Variants in CFAP74 observed in about 807,000 individuals in gnomAD.
CFAP74 encodes the protein cilia and flagella associated protein 74.
Under a neutral mutation model 188.9 loss-of-function variants are expected in CFAP74, and 124 were observed. The observed-to-expected ratio is 0.66, with a 90% CI of 0.57 to 0.76. The LOEUF (loss-of-function observed/expected upper bound fraction) is 0.76. CFAP74 is among the 30% of genes least tolerant of loss of function. CFAP74 has a pLI of 0.00. For synonymous variants in CFAP74, 956 were observed against 916.7 expected, an observed-to-expected ratio of 1.04 and a Z score of -0.77; for missense variants, 2,198 against 2,165.2, an observed-to-expected ratio of 1.02 and a Z score of -0.30.
chr1:1,946,632 C>T (rs2803340), intron 19 of CFAP74, among the ~76,000 whole-genome samples, 193 bp from the exon 20 acceptor site: 61,834 of 152,026 alleles, frequency 0.41, 14,271 homozygotes, highest in Admixed American at 0.53. Flanking sequence ...TCCCAGCCAG[C>T]GGAGTTGGAG....
chr1:1,994,675 G>C (rs1657817556), intron 1 of CFAP74, among the ~76,000 whole-genome samples: 1 of 152,170 alleles, frequency 6.6e-6, no homozygotes. Flanking sequence ...CATTTTGCTG[G>C]ACACCCCGTG....
chr1:1,923,310 A>C lies in CFAP74; in HGVS notation c.4522+57T>G. 1 of 1,519,470 alleles carries C rather than the reference A, an allele frequency of 6.6e-7. No homozygotes were observed. The highest frequency in any genetic ancestry group is 8.9e-7 in the Non-Finnish European group (1 of 1,127,232). 94.1% of individuals were successfully genotyped at this position (1,519,470 alleles called of 1,614,324 possible). A position where few individuals can be genotyped will look rare whatever the true frequency, so the allele number is the denominator to read the frequency against. On this transcript the variant is annotated intron_variant, in intron 36 of 38. Coordinates refer to ENST00000682832, the MANE Select transcript of CFAP74 (RefSeq NM_001304360.2). This position sits in a 1 kb window ranked among gnomAD's most constrained non-coding sequence, Gnocchi z 6.3. The stretch of plus-strand genomic sequence containing the variant: ...CCGCTGGGTCTCGGGGCCCCCATCC[A>C]CGGGACAGGGGCACCGGGAGGCCCC...
At chr1:2,002,501 G>A (rs537712633) in intron 1 of CFAP74, among the ~76,000 whole-genome samples, 91 of 151,122 alleles carry the variant, frequency 6.0e-4, no homozygotes, top group South Asian at 1.7e-3. Context: ...GCCAACACGC[G>A]GAAACCCCGT....
rs1361737616 is a variant in CFAP74, at chr1:1,923,722, C to G, written c.4389+53G>C. The G allele has an allele frequency of 3.1e-6, 5 of 1,611,234 alleles. No homozygotes were observed. Among genetic ancestry groups the G allele is most frequent in the East Asian group, 2.2e-5 (1 of 44,856 alleles). On this transcript the variant is annotated intron_variant, in intron 35 of 38. Transcript: ENST00000682832. The surrounding 1 kb of genome is among the most constrained non-coding windows in gnomAD (Gnocchi z 6.3). ...GGAGCAGTGCAGCCAAAGGCAAGGC[C>G]CTGCGTGGGGCCAGGGCCGGGCCGG...
At chr1:1,980,039 C>T (rs973109541) in intron 6 of CFAP74, among the ~76,000 whole-genome samples, 1 of 151,334 alleles carries the variant, frequency 6.6e-6, no homozygotes, top group African/African-American at 2.4e-5. Flanking sequence ...CTTCGGACGG[C>T]GTCTGGCACG....
rs760922014 is a variant in CFAP74 at position 1,924,530 on chromosome 1, G to A, written c.4105-10C>T. ...GAGAGTTGTTCTGCAGCTGCAGAGAGCAGGCCGCGGTCACTGCCCGCCAGC... is the reference window on the plus strand; with the variant it reads ...GAGAGTTGTTCTGCAGCTGCAGAGAACAGGCCGCGGTCACTGCCCGCCAGC... On this transcript the variant is annotated splice_polypyrimidine_tract_variant and intron_variant, in intron 33 of 38. Coordinates refer to ENST00000682832, the MANE Select transcript of CFAP74 (RefSeq NM_001304360.2). The A allele has an allele frequency of 2.5e-6, 4 of 1,598,006 alleles. No homozygotes were observed. Among genetic ancestry groups the A allele is most frequent in the East Asian group, 4.6e-5 (2 of 43,786 alleles).
At chr1:1,935,867 T>TACACACACACACACACACAC (rs35582265) in intron 25 of CFAP74, among the ~76,000 whole-genome samples, 60 of 147,880 alleles carry the variant, frequency 4.1e-4, no homozygotes, top group African/African-American at 1.1e-3. Context: ...TTTTCAGCAC[T>TACACACACACACACACACAC]ACACACACAC....
chr1:1,941,744 G>A (rs1008955746), intron 22 of CFAP74, among the ~76,000 whole-genome samples: 2 of 152,198 alleles, frequency 1.3e-5, no homozygotes, highest in South Asian at 2.1e-4. Context: ...TGGGAGACAC[G>A]CAGCCTCCCA....
intron 14 of CFAP74, among the ~76,000 whole-genome samples, chr1:1,962,054 C>A (rs1244408507): frequency 1.3e-5 from 2 of 152,194 alleles, no homozygotes; most frequent in African/African-American, 4.8e-5. Flanking sequence ...CTGCACTTCA[C>A]AACGCTCGCG....
chr1:1,927,641 C>T lies in CFAP74; in HGVS notation c.3493G>A (p.Val1165Ile), dbSNP rs1055884054. ...AGCTCCCGCTTCCGCATCTCCAGGACGTGGGGGACAGAGACTTTGAACAGC... is the reference window on the plus strand; with the variant it reads ...AGCTCCCGCTTCCGCATCTCCAGGATGTGGGGGACAGAGACTTTGAACAGC... ...DKLFKVSVPH[V>I]LEMRKRELRP... Residue 1165 changes from valine to isoleucine, a missense_variant, in exon 28 of 39, where the codon GTC (valine) becomes ATC (isoleucine). Coordinates refer to ENST00000682832, the MANE Select transcript of CFAP74 (RefSeq NM_001304360.2). 1.7e-5 allele frequency: 26 copies of T among 1,550,028 alleles called. No individual in the cohort carries two copies. Among genetic ancestry groups the T allele is most frequent in the East Asian group, 9.8e-5 (4 of 40,938 alleles).
At chr1:1,956,321 G>C (rs183290767) in intron 17 of CFAP74, among the ~76,000 whole-genome samples, 1 of 152,120 alleles carries the variant, frequency 6.6e-6, no homozygotes, top group Non-Finnish European at 1.5e-5. Flanking sequence ...GAGATGCGTC[G>C]GGGGAGGCTG....
Position 1,988,988 on chromosome 1 carries a change from A to G in CFAP74, c.68-15T>C. ...TTCATCTCTTTCTAGAAATCAAGGCAAGAGTTTAAAAAAAAAAAAAAGCAG... is the reference window on the plus strand; with the variant it reads ...TTCATCTCTTTCTAGAAATCAAGGCGAGAGTTTAAAAAAAAAAAAAAGCAG... On this transcript the variant is annotated splice_polypyrimidine_tract_variant and intron_variant, in intron 2 of 38. Transcript: ENST00000682832. 1 of 1,270,502 alleles carries G rather than the reference A, an allele frequency of 7.9e-7. No individual in the cohort carries two copies. The highest frequency in any genetic ancestry group is 1.1e-6 in the Non-Finnish European group (1 of 899,924). 78.7% of individuals were successfully genotyped at this position (1,270,502 alleles called of 1,614,324 possible).
Position 1,925,911 on chromosome 1 carries a change from T to G in CFAP74, c.3976A>C (p.Lys1326Gln). Residue 1326 changes from lysine to glutamine, a missense_variant, in exon 33 of 39, where the codon AAG (lysine) becomes CAG (glutamine). By Grantham distance (53) the Lys-to-Gln change is moderately conservative. Coordinates refer to ENST00000682832, the MANE Select transcript of CFAP74 (RefSeq NM_001304360.2). ...AGGGTGAGGGTGAGCGTGCCTCTCT[T>G]GGTGATGATGTCCAGTGTTTCTTGA... is the stretch of plus-strand genomic sequence containing the variant. ...LAQETLDIIT[K>Q]RGTLTLTLMG... The G allele has an allele frequency of 6.2e-7, 1 of 1,611,182 alleles. No homozygotes were observed. The highest frequency in any genetic ancestry group is 8.5e-7 in the Non-Finnish European group (1 of 1,179,250).
intron 25 of CFAP74, among the ~76,000 whole-genome samples, chr1:1,936,404 C>T (rs1363320550): frequency 1.4e-5 from 2 of 147,562 alleles, no homozygotes; most frequent in Non-Finnish European, 3.0e-5. Context: ...ATTAGCTGGG[C>T]GTGGTGGTGC....
At chr1:1,936,076 G>T (rs1006257372) in intron 25 of CFAP74, among the ~76,000 whole-genome samples, 6 of 151,954 alleles carry the variant, frequency 3.9e-5, no homozygotes, top group Non-Finnish European at 8.8e-5. Flanking sequence ...AATTATCTGG[G>T]CGTGGTGGCG....
chr1:1,970,315 T>C (rs1193664183), intron 10 of CFAP74, among the ~76,000 whole-genome samples: 1 of 152,100 alleles, frequency 6.6e-6, no homozygotes, highest in African/African-American at 2.4e-5. Flanking sequence ...CCCTGGAGAC[T>C]TCTGGGTGGG....
intron 21 of CFAP74, 149 bp downstream of exon 21, chr1:1,944,182 G>C (rs2803334): frequency 0.33 from 257,836 of 790,538 alleles, 61,842 homozygotes; most frequent in Admixed American, 0.51. Flanking sequence ...GGCTCACCGC[G>C]TGTGCACAGG....
At chr1:1,957,647 A>G (rs964025477) in intron 16 of CFAP74, among the ~76,000 whole-genome samples, 1 of 152,112 alleles carries the variant, frequency 6.6e-6, no homozygotes, top group African/African-American at 2.4e-5. Context: ...TCTGGCCAGG[A>G]CACCTGGGGC....
At chr1:1,991,863 C>T (rs982997718) in intron 1 of CFAP74, among the ~76,000 whole-genome samples, 21 of 151,790 alleles carry the variant, frequency 1.4e-4, no homozygotes, top group African/African-American at 4.8e-4. Flanking sequence ...CACAGTGAAA[C>T]CCCATCTCTA....
Sources: gnomAD v4.1 joint callset for allele counts (sites outside exome capture counted in the v4.1 genomes callset) on GRCh38, gnomAD v4.1.1 for gene constraint, Gnocchi (gnomAD v3.1) non-coding constraint, MANE v1.5 for transcripts, NCBI Gene and HGNC (gene_info 2026-07-23, HGNC 2026-07-21) for gene names.